The following NEDD4L variants were observed in gnomAD, a reference collection of about 807,000 sequenced individuals.
NEDD4L encodes NEDD4 like E3 ubiquitin protein ligase, also known as E3 ubiquitin-protein ligase NEDD4-like.
In NEDD4L, 54 loss-of-function variants were observed where a neutral mutation model predicts 148.9. The ratio of observed to expected loss-of-function variants is 0.36; its 90% CI spans 0.29 to 0.45. The LOEUF (loss-of-function observed/expected upper bound fraction) is 0.45. Ranked by LOEUF, NEDD4L falls within the 20% of genes least tolerant of loss-of-function variation. NEDD4L has a pLI of 1.00. For synonymous variants in NEDD4L, 433 were observed against 440.7 expected (o/e 0.98, Z 0.22); for missense variants, 856 against 1,233.8 (o/e 0.69, Z 4.59).
At chr18:58,195,506 G>A in intron 2 of NEDD4L, 2 of 1,345,402 alleles carry the variant, frequency 1.5e-6, no homozygotes, top group South Asian at 2.3e-5. Context: ...GTGGGTGGCT[G>A]CGCAGGGCCC....
chr18:58,095,498 G>T (rs1345753764), intron 1 of NEDD4L, among the ~76,000 whole-genome samples: 1 of 114,598 alleles, frequency 8.7e-6, no homozygotes, highest in African/African-American at 4.4e-5. Context: ...TGGACAGGAA[G>T]ATGGGACTGG....
intron 23 of NEDD4L, among the ~76,000 whole-genome samples, chr18:58,370,841 A>G (rs2046769060): frequency 6.6e-6 from 1 of 152,210 alleles, no homozygotes; most frequent in Admixed American, 6.5e-5. Context: ...GTTTCCTGAC[A>G]TCATAAAAAT....
chr18:58,203,118 C>T (rs971414242), intron 2 of NEDD4L, among the ~76,000 whole-genome samples: 14 of 152,104 alleles, frequency 9.2e-5, no homozygotes, highest in African/African-American at 3.4e-4. Context: ...CAGGCACACA[C>T]CACCACACCA....
chr18:58,267,598 G>A (rs1568522400), intron 5 of NEDD4L, among the ~76,000 whole-genome samples: 1 of 151,982 alleles, frequency 6.6e-6, no homozygotes, highest in Non-Finnish European at 1.5e-5. Flanking sequence ...ATTGTCTCGG[G>A]AGTTAGTCTC....
chr18:58,129,518 C>T (rs1346088881), intron 1 of NEDD4L, among the ~76,000 whole-genome samples: 1 of 152,198 alleles, frequency 6.6e-6, no homozygotes, highest in African/African-American at 2.4e-5. Flanking sequence ...TACTTGCTTT[C>T]TGGCCCATCT....
intron 9 of NEDD4L, 93 bp from the exon 10 acceptor site, chr18:58,328,901 TG>T: frequency 7.1e-7 from 1 of 1,405,998 alleles, no homozygotes; most frequent in Non-Finnish European, 9.9e-7. Flanking sequence ...GACACTTTAG[TG>T]GCCATCTGGC....
At chr18:58,149,292 A>G in intron 1 of NEDD4L, 2 of 1,008,330 alleles carry the variant, frequency 2.0e-6, no homozygotes, top group East Asian at 3.6e-5. Flanking sequence ...TGGCAGGTTC[A>G]TAAGACACCT....
chr18:58,294,313 A>G (rs1396677157), intron 5 of NEDD4L, among the ~76,000 whole-genome samples: 1 of 152,180 alleles, frequency 6.6e-6, no homozygotes, highest in African/African-American at 2.4e-5. Context: ...TTGGTTTGGC[A>G]CTGACTAATT....
chr18:58,401,195 G>A lies in NEDD4L; in HGVS notation c.*4926G>A, dbSNP rs1483738326. 6.6e-6 allele frequency: 1 copy of A among 152,132 alleles called. No homozygotes were observed. The highest frequency in any genetic ancestry group is 2.4e-5 in the African/African-American group (1 of 41,416). 9.4% of individuals were successfully genotyped at this position (152,132 alleles called of 1,614,324 possible). On this transcript the variant is annotated 3_prime_UTR_variant, in exon 31 of 31. Transcript: ENST00000400345. Reference sequence around the variant, plus strand: ...CAAGCATTCCAAATAAATTATCAATGTTTCATAACTTTTTATTATAAACCC... The same window carrying A: ...CAAGCATTCCAAATAAATTATCAATATTTCATAACTTTTTATTATAAACCC...
intron 2 of NEDD4L, among the ~76,000 whole-genome samples, chr18:58,234,902 G>A (rs560860182): frequency 3.3e-5 from 5 of 152,222 alleles, no homozygotes; most frequent in African/African-American, 1.2e-4. Context: ...ATTAGAAGCT[G>A]CCACATCCCC....
At chr18:58,107,975 C>T (rs1467427220) in intron 1 of NEDD4L, among the ~76,000 whole-genome samples, 1 of 152,128 alleles carries the variant, frequency 6.6e-6, no homozygotes, top group Non-Finnish European at 1.5e-5. Flanking sequence ...CTGCCTTAGC[C>T]TCCCAAAGTA....
chr18:58,050,045 G>A (rs1046111673), intron 1 of NEDD4L, among the ~76,000 whole-genome samples: 50 of 151,206 alleles, frequency 3.3e-4, no homozygotes, highest in Admixed American at 3.3e-3. Context: ...AGTGTCTGTG[G>A]AATTTGTAGA....
At chr18:58,328,245 A>G (rs771496192) in intron 9 of NEDD4L, among the ~76,000 whole-genome samples, 8 of 152,194 alleles carry the variant, frequency 5.3e-5, no homozygotes, top group East Asian at 1.9e-4. Flanking sequence ...GATTACAGGC[A>G]TGAGCCACCA....
chr18:58,255,382 A>T, intron 5 of NEDD4L: 1 of 494,822 alleles, frequency 2.0e-6, no homozygotes, highest in Non-Finnish European at 3.0e-6. Flanking sequence ...TTGGAGGGGG[A>T]GAGCGCGGTC....
intron 1 of NEDD4L, among the ~76,000 whole-genome samples, chr18:58,143,958 G>T (rs1036866458): frequency 6.6e-6 from 1 of 152,090 alleles, no homozygotes; most frequent in African/African-American, 2.4e-5. Context: ...TTAAGTCATA[G>T]GTTTCTGTTT....
intron 5 of NEDD4L, among the ~76,000 whole-genome samples, chr18:58,303,518 G>A (rs540049283): frequency 6.6e-6 from 1 of 152,282 alleles, no homozygotes; most frequent in South Asian, 2.1e-4. Flanking sequence ...ACACAACTCA[G>A]TCTTGCAAGG....
intron 1 of NEDD4L, among the ~76,000 whole-genome samples, chr18:58,125,998 A>G (rs765513443): frequency 1.3e-5 from 2 of 152,226 alleles, no homozygotes; most frequent in African/African-American, 4.8e-5. Context: ...GGAAGTTGGC[A>G]TCTGCTGTTG....
At position 58,141,395 on chromosome 18, in the gene NEDD4L, A is replaced by G. The variant is rs551084996; in HGVS notation, c.49-24393A>G. ...TTTAAAAAAAGTCATTTTGAGTTACAGAATAAAATCAAACAAAATTCCTTT... is the reference window on the plus strand; with the variant it reads ...TTTAAAAAAAGTCATTTTGAGTTACGGAATAAAATCAAACAAAATTCCTTT... On this transcript the variant is annotated intron_variant, in intron 1 of 30. Coordinates refer to ENST00000400345, the MANE Select transcript of NEDD4L (RefSeq NM_001144967.3). 7.2e-5 allele frequency among the ~76,000 whole-genome samples: 11 copies of G among 152,362 alleles called. No homozygotes were observed. The East Asian group carries it at 2.1e-3, about 29-fold the overall frequency.
chr18:58,289,619 A>T (rs2054424666), intron 5 of NEDD4L, among the ~76,000 whole-genome samples: 1 of 152,206 alleles, frequency 6.6e-6, no homozygotes, highest in Non-Finnish European at 1.5e-5. Context: ...CACCAGCCAC[A>T]GTAGCTGCAG....
Sources: gnomAD v4.1 joint callset for allele counts (sites outside exome capture counted in the v4.1 genomes callset) on GRCh38, gnomAD v4.1.1 for gene constraint, MANE v1.5 for transcripts, NCBI Gene and HGNC (gene_info 2026-07-23, HGNC 2026-07-21) for gene names.